Variants in NAALADL2 observed in about 807,000 individuals in gnomAD.
NAALADL2 encodes the protein N-acetylated alpha-linked acidic dipeptidase like 2.
NAALADL2 carries 76 observed loss-of-function variants against 87.2 expected under a neutral mutation model. That is an observed-to-expected ratio of 0.87 (90% CI 0.72 to 1.05). NAALADL2 has a LOEUF of 1.05. Among genes scored for constraint, NAALADL2 ranks in the 50% least tolerant of loss-of-function variants. NAALADL2 has a pLI of 0.00. For missense variants in NAALADL2, 1,089 were observed against 945.8 expected, an observed-to-expected ratio of 1.15 and a Z score of -1.99; for synonymous variants, 354 against 331.0, an observed-to-expected ratio of 1.07 and a Z score of -0.75.
intron 2 of NAALADL2, among the ~76,000 whole-genome samples, chr3:175,195,086 A>T (rs1738776730): frequency 6.6e-6 from 1 of 151,512 alleles, no homozygotes; most frequent in South Asian, 2.1e-4. Context: ...TATGCATATG[A>T]CCAGGTTAAT....
chr3:174,594,154 A>G (rs1560078628), intron 2 of NAALADL2, among the ~76,000 whole-genome samples: 1 of 152,110 alleles, frequency 6.6e-6, no homozygotes, highest in East Asian at 1.9e-4. Flanking sequence ...GTTTACTTTC[A>G]TGAATAATAC....
intron 2 of NAALADL2, among the ~76,000 whole-genome samples, chr3:175,138,887 A>AATATAT (rs58824117): frequency 0.023 from 2,215 of 95,128 alleles, 108 homozygotes; most frequent in African/African-American, 0.068. Context: ...AGCCTTTTAA[A>AATATAT]ATATATATAT....
chr3:175,750,086 C>T (rs919142397), intron 12 of NAALADL2, among the ~76,000 whole-genome samples: 1 of 152,064 alleles, frequency 6.6e-6, no homozygotes, highest in Non-Finnish European at 1.5e-5. Context: ...GGATTAAGTC[C>T]AATTTAGAGA....
intron 1 of NAALADL2, among the ~76,000 whole-genome samples, chr3:174,506,581 C>G (rs1335677248): frequency 6.6e-6 from 1 of 151,930 alleles, no homozygotes; most frequent in Non-Finnish European, 1.5e-5. Context: ...ATAAATAATT[C>G]TGAAATGGCT....
At chr3:174,710,279 G>A (rs867018503) in intron 2 of NAALADL2, among the ~76,000 whole-genome samples, 19 of 138,250 alleles carry the variant, frequency 1.4e-4, no homozygotes, top group South Asian at 2.3e-4. Flanking sequence ...TTTTGAGACC[G>A]AGTCTTGCTC....
At chr3:175,300,757 T>TTTA (rs1560315693) in intron 4 of NAALADL2, among the ~76,000 whole-genome samples, 3 of 78,546 alleles carry the variant, frequency 3.8e-5, no homozygotes, top group Non-Finnish European at 9.1e-5. Flanking sequence ...TTATTTATTT[T>TTTA]TATTTATTTA....
chr3:175,041,237 A>G (rs1754046777), intron 1 of NAALADL2, among the ~76,000 whole-genome samples: 1 of 152,116 alleles, frequency 6.6e-6, no homozygotes, highest in Non-Finnish European at 1.5e-5. Context: ...GTTCTTAAAA[A>G]TATATTCAGT....
At chr3:175,194,279 G>T (rs1315608308) in intron 2 of NAALADL2, among the ~76,000 whole-genome samples, 1 of 151,766 alleles carries the variant, frequency 6.6e-6, no homozygotes, top group Non-Finnish European at 1.5e-5. Flanking sequence ...ATTTTTAGTA[G>T]GTGATTAGTC....
At position 175,508,844 on chromosome 3, in the gene NAALADL2, G is replaced by A. The variant is rs143248494; in HGVS notation, c.1653+37086G>A. ...TCTTTAAGATCAGAGGACTATGCGC[G>A]ATGGCTCATGCCTGTAATCCCAGCA... On this transcript the variant is annotated intron_variant, in intron 9 of 13. Coordinates refer to ENST00000454872, the MANE Select transcript of NAALADL2 (RefSeq NM_207015.3). 2.7e-3 allele frequency among the ~76,000 whole-genome samples: 409 copies of A among 151,918 alleles called. 1 individual carries two copies. Among genetic ancestry groups the A allele is most frequent in the African/African-American group, 8.9e-3 (369 of 41,466 alleles).
At chr3:174,826,047 A>AACG (rs1721954607) in intron 3 of NAALADL2, among the ~76,000 whole-genome samples, 1 of 148,982 alleles carries the variant, frequency 6.7e-6, no homozygotes, top group African/African-American at 2.6e-5. Context: ...CAACAACAAC[A>AACG]ACAACGACAA....
rs189082428 is a variant in NAALADL2, at chr3:175,188,419, G to T, written c.546-45512G>T. On this transcript the variant is annotated intron_variant, in intron 2 of 13. Transcript: ENST00000454872. Reference sequence around the variant, plus strand: ...GGGCCAGATTCTTCGCAAAGCAGGGGAGTCATGACCTCCAGTGCCTGAGTT... The same window carrying T: ...GGGCCAGATTCTTCGCAAAGCAGGGTAGTCATGACCTCCAGTGCCTGAGTT... Among the ~76,000 whole-genome samples the T allele has an allele frequency of 9.2e-5, 14 of 152,218 alleles. No homozygotes were observed. The East Asian group carries it at 2.3e-3, about 25-fold the overall frequency.
chr3:174,852,927 T>C (rs1010067696), intron 3 of NAALADL2, among the ~76,000 whole-genome samples: 3 of 152,116 alleles, frequency 2.0e-5, no homozygotes, highest in African/African-American at 7.2e-5. Context: ...AAACTGATTT[T>C]TGACAAAGTT....
chr3:174,444,220 T>C (rs1272813572), intron 1 of NAALADL2, among the ~76,000 whole-genome samples: 2 of 152,128 alleles, frequency 1.3e-5, no homozygotes, highest in Non-Finnish European at 2.9e-5. Context: ...AGACTATCTG[T>C]TGCTAGGGTT....
rs191491531 is a variant in NAALADL2, at chr3:175,797,320, T to G, written c.2190-5685T>G. ...TGATAACTACTAAAATGATTTCAATTAAATAATATTTTAATTAGGTCTGAT... is the reference window on the plus strand; with the variant it reads ...TGATAACTACTAAAATGATTTCAATGAAATAATATTTTAATTAGGTCTGAT... On this transcript the variant is annotated intron_variant, in intron 13 of 13. Coordinates refer to ENST00000454872, the MANE Select transcript of NAALADL2 (RefSeq NM_207015.3). 3.9e-5 allele frequency among the ~76,000 whole-genome samples: 6 copies of G among 152,274 alleles called. No homozygotes were observed. In the East Asian group the frequency reaches 1.2e-3, roughly 29 times the overall value.
rs147312278 is a variant in NAALADL2, at chr3:175,588,759, C to T, written c.1800+12572C>T. Among the ~76,000 whole-genome samples, 587 of 152,064 alleles carry T rather than the reference C, an allele frequency of 3.9e-3. 7 individuals are homozygous for T. The highest frequency in any genetic ancestry group is 0.017 in the Middle Eastern group (5 of 294). On this transcript the variant is annotated intron_variant, in intron 10 of 13. Transcript: ENST00000454872. The stretch of plus-strand genomic sequence containing the variant: ...TTCACCGTGTTAGCCAGGATGGTCT[C>T]GATCTCCTGACCTCGTGATCCGCCC...
intron 2 of NAALADL2, among the ~76,000 whole-genome samples, chr3:175,225,704 A>G (rs1029066931): frequency 6.6e-6 from 1 of 152,130 alleles, no homozygotes; most frequent in South Asian, 2.1e-4. Flanking sequence ...AAATAGAAAT[A>G]ATGACTCTTT....
intron 2 of NAALADL2, among the ~76,000 whole-genome samples, chr3:175,174,875 A>C (rs2108942413): frequency 6.6e-6 from 1 of 151,676 alleles, no homozygotes; most frequent in African/African-American, 2.4e-5. Context: ...TATCTCTGTT[A>C]ATAGAACTGC....
intron 2 of NAALADL2, among the ~76,000 whole-genome samples, chr3:174,693,270 T>C (rs1464774165): frequency 1.3e-5 from 2 of 152,186 alleles, no homozygotes; most frequent in Admixed American, 1.3e-4. Context: ...ATGGAGAGTT[T>C]ACTGCATTCA....
chr3:175,673,800 TAAAC>T (rs1158124550), intron 11 of NAALADL2, among the ~76,000 whole-genome samples: 7 of 152,222 alleles, frequency 4.6e-5, no homozygotes, highest in Admixed American at 2.0e-4. Context: ...TTTTAAAAGT[TAAAC>T]AAATCCCAAC....
Sources: allele counts gnomAD v4.1 joint callset (sites outside exome capture counted in the v4.1 genomes callset), GRCh38; gene constraint gnomAD v4.1.1; transcripts MANE v1.5; gene names NCBI Gene and HGNC (gene_info 2026-07-23, HGNC 2026-07-21).